Variants in GTF2A1 observed in about 807,000 individuals in gnomAD.
The protein encoded by GTF2A1 is general transcription factor IIA subunit 1, also known as transcription initiation factor IIA subunit 1.
GTF2A1 carries 12 observed loss-of-function variants against 54.1 expected under a neutral mutation model. The ratio of observed to expected loss-of-function variants is 0.22; its 90% confidence interval spans 0.14 to 0.36. GTF2A1 has a LOEUF of 0.36. GTF2A1 is among the 10% of genes least tolerant of loss of function. The pLI, the probability that GTF2A1 is intolerant of heterozygous loss-of-function variation, is 1.00. For synonymous variants in GTF2A1, 145 were observed against 152.0 expected (o/e 0.95, Z 0.34); for missense variants, 335 against 442.2 (o/e 0.76, Z 2.17).
In GTF2A1 at chr14:81,204,071, C is replaced by T; in HGVS notation, c.166G>A (p.Val56Ile). ...WENKLMQSRA[V>I]DGFHSEEQQL... ...TGCTCTTCTGAATGAAATCCATCTA[C>T]TGCCCTGGACTGCATTAGTTTGTTT... Residue 56 changes from valine (V) to isoleucine (I), a missense_variant, in exon 3 of 9, where the codon GTA becomes ATA. Physicochemically the swap from Val to Ile is conservative, Grantham distance 29. Around this residue, in one of 2 missense-constraint regions of GTF2A1, gnomAD observed 306 missense variants for 360.4 expected, o/e 0.85. Coordinates refer to ENST00000553612, the MANE Select transcript of GTF2A1 (RefSeq NM_015859.4). 6.2e-7 allele frequency: 1 copy of T among 1,613,392 alleles called. No homozygotes were observed. The highest frequency in any genetic ancestry group is 1.7e-5 in the Admixed American group (1 of 60,012).
intron 2 of GTF2A1, among the ~76,000 whole-genome samples, chr14:81,207,115 A>ATATC (rs1236531520): frequency 6.7e-6 from 1 of 149,036 alleles, no homozygotes; most frequent in Non-Finnish European, 1.5e-5. Context: ...AGTAATTAAT[A>ATATC]TATCTATCTA....
chr14:81,208,264 C>T (rs930623602), intron 2 of GTF2A1, among the ~76,000 whole-genome samples: 1 of 152,138 alleles, frequency 6.6e-6, no homozygotes, highest in East Asian at 1.9e-4. Flanking sequence ...CTGAAAGGGG[C>T]CAACATAGAG....
chr14:81,204,320 ATT>A (rs755425609), intron 2 of GTF2A1: 7 of 691,606 alleles, frequency 1.0e-5, no homozygotes, highest in Middle Eastern at 2.4e-4. Flanking sequence ...AGTACTGAAG[ATT>A]TTGTTTCTTT....
chr14:81,201,928 G>C lies in GTF2A1; in HGVS notation c.338-270C>G, dbSNP rs556243344. ...TAATTACAGCACTTTGGGAGGCCAA[G>C]GCGGGTGGATCACTTGAGGTCAGGA... On this transcript the variant is annotated intron_variant, in intron 3 of 8. Transcript: ENST00000553612. Among the ~76,000 whole-genome samples the C allele has an allele frequency of 2.6e-5, 4 of 152,290 alleles. No homozygotes were observed. The South Asian group carries it at 8.3e-4, about 32-fold the overall frequency.
chr14:81,200,522 G>A (rs1893081892), intron 4 of GTF2A1, among the ~76,000 whole-genome samples: 1 of 151,772 alleles, frequency 6.6e-6, no homozygotes, highest in Non-Finnish European at 1.5e-5. Flanking sequence ...AGCTACTCAG[G>A]AGGCTGAGGT....
At chr14:81,211,853 T>TTAA (rs1893369990) in intron 2 of GTF2A1, among the ~76,000 whole-genome samples, 1 of 132,358 alleles carries the variant, frequency 7.6e-6, no homozygotes, top group Non-Finnish European at 1.6e-5. Flanking sequence ...TATTTACACA[T>TTAA]AATTAGAGTG....
chr14:81,212,556 T>C lies in GTF2A1; in HGVS notation c.132+3857A>G, dbSNP rs529097499. Reference sequence around the variant, plus strand: ...ATTACATGCATTCTCATCATTCATCTTTGTTCTCAATCTAATTCACCACTG... The same window carrying C: ...ATTACATGCATTCTCATCATTCATCCTTGTTCTCAATCTAATTCACCACTG... On this transcript the variant is annotated intron_variant, in intron 2 of 8. Coordinates refer to ENST00000553612, the MANE Select transcript of GTF2A1 (RefSeq NM_015859.4). Among the ~76,000 whole-genome samples, 28 of 152,340 alleles carry C rather than the reference T, an allele frequency of 1.8e-4. No individual in the cohort carries two copies. The South Asian group carries it at 5.8e-3, about 32-fold the overall frequency.
intron 1 of GTF2A1, among the ~76,000 whole-genome samples, chr14:81,218,106 T>A (rs1367884013): frequency 3.3e-5 from 5 of 151,710 alleles, no homozygotes; most frequent in African/African-American, 1.2e-4. Context: ...TTTTTTTTTT[T>A]AACCAATAAT....
chr14:81,193,885 G>A (rs1188206100), intron 6 of GTF2A1, among the ~76,000 whole-genome samples: 2 of 152,040 alleles, frequency 1.3e-5, no homozygotes, highest in Non-Finnish European at 2.9e-5. Context: ...TACACGTGGT[G>A]TAACAACACA....
chr14:81,219,766 G>A (rs1893574007), intron 1 of GTF2A1, among the ~76,000 whole-genome samples: 1 of 152,212 alleles, frequency 6.6e-6, no homozygotes, highest in Non-Finnish European at 1.5e-5. Context: ...ACGGGAAGAA[G>A]TAGGTAAATT....
rs1892518369 is a variant in GTF2A1, at chr14:81,175,989, ATCT to A, written c.*4231_*4233del. On this transcript the variant is annotated 3_prime_UTR_variant, in exon 9 of 9. Transcript: ENST00000553612. Reference sequence around the variant, plus strand: ...TTTACTAATTCAAATTGACATCTCAATCTACTTATCTTTAAGGTACAGAATTTA... The same window carrying A: ...TTTACTAATTCAAATTGACATCTCAAACTTATCTTTAAGGTACAGAATTTA... 1 of 152,152 alleles carries A rather than the reference ATCT, an allele frequency of 6.6e-6. No individual in the cohort carries two copies. Among genetic ancestry groups the A allele is most frequent in the Non-Finnish European group, 1.5e-5 (1 of 67,990 alleles). 9.4% of individuals were successfully genotyped at this position (152,152 alleles called of 1,614,324 possible). A position where few individuals can be genotyped will look rare whatever the true frequency, so the allele number is the denominator to read the frequency against.
chr14:81,183,833 A>G (rs1268465001), intron 8 of GTF2A1, among the ~76,000 whole-genome samples: 1 of 152,184 alleles, frequency 6.6e-6, no homozygotes, highest in Non-Finnish European at 1.5e-5. Context: ...AAATTGACTC[A>G]TTGTTGACAT....
At chr14:81,214,570 A>T (rs1595231555) in intron 2 of GTF2A1, among the ~76,000 whole-genome samples, 1 of 151,720 alleles carries the variant, frequency 6.6e-6, no homozygotes, top group African/African-American at 2.4e-5. Context: ...GGCATGAACC[A>T]GGGAGGCAAA....
intron 2 of GTF2A1, among the ~76,000 whole-genome samples, chr14:81,204,836 T>C (rs923753795): frequency 2.6e-5 from 4 of 152,212 alleles, no homozygotes; most frequent in Non-Finnish European, 4.4e-5. Context: ...AAAGAAAACA[T>C]GTGCAACGAT....
At chr14:81,185,659 C>A (rs201540000) in intron 7 of GTF2A1, 39 bp from the exon 8 acceptor site, 2 of 1,084,214 alleles carry the variant, frequency 1.8e-6, no homozygotes, top group East Asian at 2.4e-5. Flanking sequence ...TATAAGAAGG[C>A]CTTAATATTC....
chr14:81,199,945 CTTT>C (rs5810016), intron 4 of GTF2A1, among the ~76,000 whole-genome samples: 2 of 148,820 alleles, frequency 1.3e-5, no homozygotes, highest in South Asian at 4.2e-4. Flanking sequence ...TATAGTGAGA[CTTT>C]TTTTTTTTTA....
chr14:81,216,559 G>T, intron 1 of GTF2A1, 45 bp from the exon 2 acceptor site: 1 of 829,342 alleles, frequency 1.2e-6, no homozygotes, highest in Non-Finnish European at 2.0e-6. Flanking sequence ...GTTTTTCACA[G>T]CTTATAATGT....
At chr14:81,185,719 C>G in intron 7 of GTF2A1, 99 bp from the exon 8 acceptor site, 1 of 616,816 alleles carries the variant, frequency 1.6e-6, no homozygotes, top group East Asian at 2.8e-5. Flanking sequence ...AACCAAATGC[C>G]AAATGCATAT....
At chr14:81,200,880 T>C (rs1311171274) in intron 4 of GTF2A1, among the ~76,000 whole-genome samples, 3 of 133,676 alleles carry the variant, frequency 2.2e-5, no homozygotes, top group Non-Finnish European at 5.1e-5. Flanking sequence ...TTTTAATGTT[T>C]TATCCAAAAA....
Sources: allele counts gnomAD v4.1 joint callset (sites outside exome capture counted in the v4.1 genomes callset), GRCh38; gene constraint gnomAD v4.1.1; regional missense constraint gnomAD v4.1.1; transcripts MANE v1.5; gene names NCBI Gene and HGNC (gene_info 2026-07-23, HGNC 2026-07-21).